Variants in ADK observed in about 807,000 individuals in gnomAD.
ADK encodes the protein N6,N6-dimethyladenosine kinase.
Under a neutral mutation model 44.7 loss-of-function variants are expected in ADK, and 24 were observed. The ratio of observed to expected loss-of-function variants is 0.54; its 90% CI spans 0.39 to 0.76. The LOEUF (loss-of-function observed/expected upper bound fraction) is 0.76. ADK is among the 30% of genes least tolerant of loss of function. The pLI, the probability that ADK is intolerant of heterozygous loss-of-function variation, is 0.00. For missense variants in ADK, 321 were observed against 425.1 expected (o/e 0.76, Z 2.15); for synonymous variants, 128 against 142.6 (o/e 0.90, Z 0.73).
At chr10:74,378,522 GTATC>G (rs1461826022) in intron 4 of ADK, among the ~76,000 whole-genome samples, 1 of 151,874 alleles carries the variant, frequency 6.6e-6, no homozygotes, top group Non-Finnish European at 1.5e-5. Flanking sequence ...TAAATTTTTG[GTATC>G]TATTAAAATA....
intron 9 of ADK, among the ~76,000 whole-genome samples, chr10:74,613,615 C>T (rs982240072): frequency 2.6e-5 from 4 of 152,024 alleles, no homozygotes; most frequent in Non-Finnish European, 5.9e-5. Context: ...CTTAAAGAAA[C>T]GTGTTACCTC....
chr10:74,658,456 G>A (rs1854573457), intron 9 of ADK, among the ~76,000 whole-genome samples: 1 of 152,078 alleles, frequency 6.6e-6, no homozygotes, highest in Non-Finnish European at 1.5e-5. Context: ...TTTTGATGTA[G>A]GATCTCCCTC....
chr10:74,325,356 G>A (rs906031978), intron 4 of ADK, among the ~76,000 whole-genome samples: 1 of 152,130 alleles, frequency 6.6e-6, no homozygotes, highest in Non-Finnish European at 1.5e-5. Context: ...TTTACTGAAT[G>A]TGATTATTAG....
chr10:74,283,636 T>C (rs1847035468), intron 3 of ADK, among the ~76,000 whole-genome samples: 1 of 142,918 alleles, frequency 7.0e-6, no homozygotes, highest in Admixed American at 7.1e-5. Context: ...ATCTTCATCT[T>C]TTTTTTTTTT....
intron 1 of ADK, among the ~76,000 whole-genome samples, chr10:74,184,504 TGTGTG>T (rs1842676653): frequency 1.8e-4 from 2 of 10,946 alleles, no homozygotes; most frequent in East Asian, 7.3e-4. Flanking sequence ...CTATATTTTG[TGTGTG>T]TGTGTGTGTG....
chr10:74,392,430 G>C (rs1369032738), intron 4 of ADK, among the ~76,000 whole-genome samples: 1 of 151,982 alleles, frequency 6.6e-6, no homozygotes, highest in East Asian at 1.9e-4. Flanking sequence ...ATCTTTTCTT[G>C]TGCTTATTGG....
At chr10:74,563,773 T>C (rs1205326044) in intron 7 of ADK, among the ~76,000 whole-genome samples, 2 of 152,234 alleles carry the variant, frequency 1.3e-5, no homozygotes, top group Non-Finnish European at 2.9e-5. Context: ...ACTGTGTTAG[T>C]GGATACTGTT....
intron 3 of ADK, among the ~76,000 whole-genome samples, chr10:74,241,878 A>G (rs1028529850): frequency 1.3e-5 from 2 of 152,132 alleles, no homozygotes; most frequent in Admixed American, 6.6e-5. Flanking sequence ...TCTCTTATTT[A>G]ATCTGTCTCT....
intron 1 of ADK, among the ~76,000 whole-genome samples, chr10:74,192,472 C>T (rs138086188): frequency 0.013 from 1,922 of 151,602 alleles, 48 homozygotes; most frequent in African/African-American, 0.044. Flanking sequence ...GTGATCCGCC[C>T]GCCTCGGCCT....
chr10:74,464,938 G>A (rs950025218), intron 6 of ADK, among the ~76,000 whole-genome samples: 18 of 151,976 alleles, frequency 1.2e-4, no homozygotes, highest in African/African-American at 4.4e-4. Flanking sequence ...CCTATTAAAG[G>A]AATACTACAT....
intron 9 of ADK, among the ~76,000 whole-genome samples, chr10:74,600,915 A>G (rs1852098580): frequency 1.3e-5 from 2 of 151,902 alleles, no homozygotes; most frequent in South Asian, 2.1e-4. Flanking sequence ...GTTTTATTTC[A>G]CCATCTATTT....
chr10:74,306,204 CTGAT>C (rs1840243814), intron 3 of ADK, among the ~76,000 whole-genome samples: 1 of 151,970 alleles, frequency 6.6e-6, no homozygotes, highest in Non-Finnish European at 1.5e-5. Context: ...TTTAAGTATA[CTGAT>C]TAACAGTCTT....
chr10:74,495,701 T>C (rs1485367114), intron 6 of ADK, among the ~76,000 whole-genome samples: 2 of 152,198 alleles, frequency 1.3e-5, no homozygotes. Context: ...GCCTTTCCAG[T>C]TCTTTCCTAG....
At chr10:74,329,247 C>T (rs1198601124) in intron 4 of ADK, among the ~76,000 whole-genome samples, 1 of 151,504 alleles carries the variant, frequency 6.6e-6, no homozygotes, top group African/African-American at 2.4e-5. Flanking sequence ...TTCTTTGGTA[C>T]TTTTGCTGCT....
At chr10:74,247,984 T>C (rs964422837) in intron 3 of ADK, among the ~76,000 whole-genome samples, 3 of 152,206 alleles carry the variant, frequency 2.0e-5, no homozygotes, top group African/African-American at 7.2e-5. Flanking sequence ...TTGATGGATA[T>C]GTATTATTTC....
At chr10:74,311,912 A>G (rs1840445083) in intron 3 of ADK, among the ~76,000 whole-genome samples, 1 of 152,156 alleles carries the variant, frequency 6.6e-6, no homozygotes, top group Non-Finnish European at 1.5e-5. Flanking sequence ...TCACACCTGT[A>G]ATACCAGCAC....
intron 6 of ADK, among the ~76,000 whole-genome samples, chr10:74,456,562 G>A (rs1589128860): frequency 6.6e-6 from 1 of 151,500 alleles, no homozygotes; most frequent in East Asian, 2.0e-4. Flanking sequence ...AGCTACTCGG[G>A]AGGCTGAGGC....
chr10:74,160,212 A>C (rs1225128217), intron 1 of ADK, among the ~76,000 whole-genome samples: 1 of 152,154 alleles, frequency 6.6e-6, no homozygotes, highest in Non-Finnish European at 1.5e-5. Flanking sequence ...CACACCTACT[A>C]ATGTGCCATG....
intron 6 of ADK, among the ~76,000 whole-genome samples, chr10:74,419,952 ATTAC>A (rs989328612): frequency 2.0e-5 from 3 of 152,190 alleles, no homozygotes; most frequent in Non-Finnish European, 2.9e-5. Flanking sequence ...CTATCCCCAA[ATTAC>A]TTACTTATAA....
Sources: allele counts gnomAD v4.1 joint callset (sites outside exome capture counted in the v4.1 genomes callset), GRCh38; gene constraint gnomAD v4.1.1; transcripts MANE v1.5; gene names NCBI Gene and HGNC (gene_info 2026-07-23, HGNC 2026-07-21).